Variants in RBFOX3 observed in about 807,000 individuals in gnomAD.
The protein encoded by RBFOX3 is RNA binding protein fox-1 homolog 3.
A neutral mutation model predicts 48.7 loss-of-function variants in RBFOX3; 17 were observed. The ratio of observed to expected loss-of-function variants is 0.35; its 90% CI spans 0.24 to 0.52. The LOEUF is 0.52. RBFOX3 is among the 20% of genes least tolerant of loss of function. The pLI is 0.94. For synonymous variants in RBFOX3, 212 were observed against 209.5 expected, an observed-to-expected ratio of 1.01 and a Z score of -0.10; for missense variants, 382 against 497.5, an observed-to-expected ratio of 0.77 and a Z score of 2.21.
intron 4 of RBFOX3, among the ~76,000 whole-genome samples, chr17:79,153,251 T>C (rs1325211156): frequency 6.6e-6 from 1 of 152,186 alleles, no homozygotes; most frequent in African/African-American, 2.4e-5. Flanking sequence ...CCACCTGTGA[T>C]CACCCCATTT....
intron 1 of RBFOX3, among the ~76,000 whole-genome samples, chr17:79,588,871 G>A (rs1193359679): frequency 2.0e-5 from 3 of 150,862 alleles, no homozygotes; most frequent in Non-Finnish European, 4.4e-5. Flanking sequence ...GCCCTATAGC[G>A]AGACCCCATC....
At chr17:79,104,861 G>A (rs930035380) in intron 6 of RBFOX3, among the ~76,000 whole-genome samples, 2 of 151,820 alleles carry the variant, frequency 1.3e-5, no homozygotes, top group African/African-American at 4.8e-5. Context: ...AGGGTCTTCC[G>A]CCCAGGCCCC....
At chr17:79,623,475 C>T in the RBFOX3 span, among the ~76,000 whole-genome samples, 1 of 152,002 alleles carries the variant, frequency 6.6e-6, no homozygotes, top group South Asian at 2.1e-4. Flanking sequence ...GGGAGGTGAT[C>T]CTGGATGATC....
chr17:79,124,047 G>A (rs538810854), intron 4 of RBFOX3, among the ~76,000 whole-genome samples: 1 of 152,338 alleles, frequency 6.6e-6, no homozygotes, highest in Non-Finnish European at 1.5e-5. Flanking sequence ...CAGCAGGCAG[G>A]GAAGCGCAAG....
At chr17:79,164,540 G>C (rs983068786) in intron 4 of RBFOX3, among the ~76,000 whole-genome samples, 2 of 152,232 alleles carry the variant, frequency 1.3e-5, no homozygotes, top group African/African-American at 4.8e-5. Flanking sequence ...GGGTGCCTTG[G>C]CGCATGGCCA....
At chr17:79,653,541 T>C in the RBFOX3 span, among the ~76,000 whole-genome samples, 3 of 152,136 alleles carry the variant, frequency 2.0e-5, no homozygotes, top group Admixed American at 1.3e-4. Flanking sequence ...GTAAGTGAGA[T>C]AAAAACCCGA....
chr17:79,255,578 G>C (rs367580676), intron 3 of RBFOX3, among the ~76,000 whole-genome samples: 1 of 152,108 alleles, frequency 6.6e-6, no homozygotes, highest in East Asian at 1.9e-4. Flanking sequence ...TGAGCCAGCG[G>C]CCTTTAATGG....
intron 2 of RBFOX3, among the ~76,000 whole-genome samples, chr17:79,394,912 C>T (rs532865226): frequency 9.9e-5 from 15 of 152,242 alleles, no homozygotes; most frequent in South Asian, 4.1e-4. Flanking sequence ...GCGCTCGGGG[C>T]GTGTGCAGGT....
intron 4 of RBFOX3, among the ~76,000 whole-genome samples, chr17:79,170,954 C>T (rs768018998): frequency 2.2e-4 from 33 of 152,180 alleles, no homozygotes; most frequent in Non-Finnish European, 3.8e-4. Context: ...GTTCACAGAT[C>T]CACTGCCACA....
At chr17:79,431,129 GA>G (rs2068363801) in intron 2 of RBFOX3, among the ~76,000 whole-genome samples, 1 of 152,182 alleles carries the variant, frequency 6.6e-6, no homozygotes, top group Non-Finnish European at 1.5e-5. Context: ...TATTGCACAT[GA>G]AAAGGATCGG....
At chr17:79,463,744 C>T (rs2075912881) in intron 2 of RBFOX3, among the ~76,000 whole-genome samples, 1 of 151,472 alleles carries the variant, frequency 6.6e-6, no homozygotes, top group South Asian at 2.1e-4. Flanking sequence ...CCGCCATCAC[C>T]ACTGCCACCT....
At chr17:79,294,641 G>A (rs111775858) in intron 3 of RBFOX3, among the ~76,000 whole-genome samples, 1 of 152,210 alleles carries the variant, frequency 6.6e-6, no homozygotes, top group Non-Finnish European at 1.5e-5. Flanking sequence ...GATGCGGAAT[G>A]GGGGAAGGCA....
intron 2 of RBFOX3, among the ~76,000 whole-genome samples, chr17:79,478,573 C>G (rs1231637827): frequency 6.6e-6 from 1 of 152,234 alleles, no homozygotes; most frequent in Non-Finnish European, 1.5e-5. Flanking sequence ...CGGCCACATT[C>G]CTTGGCTCCT....
chr17:79,218,824 A>T (rs996440783), intron 4 of RBFOX3, among the ~76,000 whole-genome samples: 1 of 152,184 alleles, frequency 6.6e-6, no homozygotes, highest in African/African-American at 2.4e-5. Flanking sequence ...CGGTGCAGAC[A>T]TGGAGGCCGG....
chr17:79,167,629 C>T (rs548181625), intron 4 of RBFOX3, among the ~76,000 whole-genome samples: 24 of 152,344 alleles, frequency 1.6e-4, no homozygotes, highest in Non-Finnish European at 2.8e-4. Flanking sequence ...ACTCACAGCC[C>T]CGGCCGCAGT....
At chr17:79,112,576 C>A (rs1446195985) in intron 5 of RBFOX3, among the ~76,000 whole-genome samples, 1 of 152,128 alleles carries the variant, frequency 6.6e-6, no homozygotes, top group Admixed American at 6.5e-5. Context: ...TGCTCTCTCC[C>A]ATCGACGCCA....
At chr17:79,546,388 A>T (rs1205902510) in intron 1 of RBFOX3, among the ~76,000 whole-genome samples, 1 of 152,142 alleles carries the variant, frequency 6.6e-6, no homozygotes, top group Non-Finnish European at 1.5e-5. Context: ...CCAGTGCCCC[A>T]CTGCTGAAGT....
chr17:79,351,323 G>C (rs1358873139), intron 2 of RBFOX3, among the ~76,000 whole-genome samples: 1 of 152,188 alleles, frequency 6.6e-6, no homozygotes, highest in Non-Finnish European at 1.5e-5. Flanking sequence ...AGCTTTTTGA[G>C]ACACTGTCAA....
chr17:79,223,638 G>A (rs1024575034), intron 4 of RBFOX3, among the ~76,000 whole-genome samples: 5 of 152,138 alleles, frequency 3.3e-5, no homozygotes, highest in Non-Finnish European at 7.4e-5. Flanking sequence ...GAGAGGATGC[G>A]GCATCCTCTG....
Sources: allele counts gnomAD v4.1 joint callset (sites outside exome capture counted in the v4.1 genomes callset), GRCh38; gene constraint gnomAD v4.1.1; transcripts MANE v1.5; gene names NCBI Gene and HGNC (gene_info 2026-07-23, HGNC 2026-07-21).